Variants in GLIS3 observed in about 807,000 individuals in gnomAD.
The protein encoded by GLIS3 is zinc finger protein GLIS3.
In GLIS3, 53 loss-of-function variants were observed where a neutral mutation model predicts 78.6. The ratio of observed to expected loss-of-function variants is 0.67; its 90% CI spans 0.54 to 0.85. The LOEUF (loss-of-function observed/expected upper bound fraction) is 0.85. Among genes scored for constraint, GLIS3 ranks in the 40% least tolerant of loss-of-function variants. GLIS3 has a pLI of 0.00. For synonymous variants in GLIS3, 684 were observed against 509.9 expected (o/e 1.34, Z -4.60); for missense variants, 1,703 against 1,231.1 (o/e 1.38, Z -5.74).
chr9:4,191,690 T>C (rs1331649208), intron 2 of GLIS3, among the ~76,000 whole-genome samples: 6 of 152,164 alleles, frequency 3.9e-5, no homozygotes, highest in Non-Finnish European at 1.5e-5. Flanking sequence ...TTAATAAATA[T>C]GTGTTAAATA....
intron 9 of GLIS3, among the ~76,000 whole-genome samples, chr9:3,848,191 T>C (rs1459635040): frequency 6.6e-6 from 1 of 152,216 alleles, no homozygotes; most frequent in Non-Finnish European, 1.5e-5. Flanking sequence ...TTACTGTCTT[T>C]AAAATCAGCC....
chr9:3,861,789 G>C (rs2130300478), intron 8 of GLIS3, among the ~76,000 whole-genome samples: 1 of 152,264 alleles, frequency 6.6e-6, no homozygotes, highest in South Asian at 2.1e-4. Flanking sequence ...CTGTTAGTGG[G>C]TGCAGGGGAG....
intron 2 of GLIS3, among the ~76,000 whole-genome samples, chr9:4,232,406 AG>A (rs796785500): frequency 8.7e-5 from 13 of 149,502 alleles, no homozygotes; most frequent in African/African-American, 3.2e-4. Context: ...AAAAAAGAAA[AG>A]AAAAAAAAAG....
intron 2 of GLIS3, chr9:4,147,624 G>A (rs1241470088): frequency 2.0e-5 from 3 of 152,052 alleles, no homozygotes; most frequent in African/African-American, 7.2e-5. Flanking sequence ...GGAGTGCAGA[G>A]AGGAAAGCAT....
In GLIS3 at chr9:3,898,776, G is replaced by C. The variant is rs751808508; in HGVS notation, c.2043C>G (p.Ser681=). The C allele has an allele frequency of 2.5e-6, 4 of 1,614,070 alleles. No homozygotes were observed. In the South Asian group the frequency reaches 4.4e-5, roughly 18 times the overall value. The change falls in exon 7 of 11, where the codon TCC becomes TCG. Residue 681 remains serine (S), a synonymous_variant. Coordinates refer to ENST00000381971, the MANE Select transcript of GLIS3 (RefSeq NM_001042413.2). The part of the protein sequence containing the change: ...DLLTDCLTVQ[S]LQPATSPRDA... Reference sequence around the variant, plus strand: ...CTCTAGGGGAAGTGGCCGGCTGCAGGGACTGCACGGTGAGGCAATCTGTGA... The same window carrying C: ...CTCTAGGGGAAGTGGCCGGCTGCAGCGACTGCACGGTGAGGCAATCTGTGA...
At chr9:4,273,610 A>C (rs1587256822) in intron 2 of GLIS3, among the ~76,000 whole-genome samples, 2 of 93,694 alleles carry the variant, frequency 2.1e-5, no homozygotes, top group Non-Finnish European at 5.1e-5. Context: ...TAAATAAATA[A>C]ATAAATAAAT....
intron 4 of GLIS3, among the ~76,000 whole-genome samples, chr9:4,002,532 T>G (rs965966221): frequency 1.3e-5 from 2 of 152,194 alleles, no homozygotes; most frequent in Non-Finnish European, 2.9e-5. Context: ...GAAACTATCT[T>G]CATGCCTCAT....
intron 2 of GLIS3, among the ~76,000 whole-genome samples, chr9:4,221,783 G>A (rs1488143296): frequency 1.3e-5 from 2 of 152,156 alleles, no homozygotes; most frequent in Non-Finnish European, 2.9e-5. Context: ...GAAAGAAAGA[G>A]GCCACAACTT....
chr9:4,030,525 C>T (rs1248613200), intron 4 of GLIS3, among the ~76,000 whole-genome samples: 1 of 152,136 alleles, frequency 6.6e-6, no homozygotes. Flanking sequence ...AGACCAATGT[C>T]CTGGAGACTT....
intron 2 of GLIS3, among the ~76,000 whole-genome samples, chr9:4,323,325 A>G (rs1587385871): frequency 6.6e-6 from 1 of 152,214 alleles, no homozygotes; most frequent in Non-Finnish European, 1.5e-5. Context: ...ATATTTATAT[A>G]TGTAAACAAC....
At position 4,263,437 on chromosome 9, in the gene GLIS3, G is replaced by C. The variant is rs1158596693; in HGVS notation, c.388+22601C>G. Among the ~76,000 whole-genome samples the C allele has an allele frequency of 3.3e-5, 5 of 151,934 alleles. No homozygotes were observed. The East Asian group carries it at 9.6e-4, about 29-fold the overall frequency. ...GAAGATGCCAGGTGTATGTTTTATTGATAATCATATAATTTTGCCCCTGGC... is the reference window on the plus strand; with the variant it reads ...GAAGATGCCAGGTGTATGTTTTATTCATAATCATATAATTTTGCCCCTGGC... On this transcript the variant is annotated intron_variant, in intron 2 of 10. Transcript: ENST00000381971.
chr9:4,045,592 C>T (rs1825183370), intron 4 of GLIS3, among the ~76,000 whole-genome samples: 1 of 151,908 alleles, frequency 6.6e-6, no homozygotes, highest in Non-Finnish European at 1.5e-5. Flanking sequence ...CCACCTCAGC[C>T]TCCCAAAGTG....
chr9:3,953,795 C>CTCTCTCTCTA (rs1403671770), intron 4 of GLIS3, among the ~76,000 whole-genome samples: 62 of 73,284 alleles, frequency 8.5e-4, no homozygotes, highest in Admixed American at 2.6e-3. Context: ...CTCTCTCTCT[C>CTCTCTCTCTA]TATATATATA....
At chr9:4,257,106 A>T (rs1266187263) in intron 2 of GLIS3, among the ~76,000 whole-genome samples, 1 of 152,188 alleles carries the variant, frequency 6.6e-6, no homozygotes, top group East Asian at 1.9e-4. Flanking sequence ...TATGTATACC[A>T]CAACTTCTTT....
At chr9:4,141,243 A>G (rs1833791262) in intron 2 of GLIS3, among the ~76,000 whole-genome samples, 1 of 152,208 alleles carries the variant, frequency 6.6e-6, no homozygotes, top group African/African-American at 2.4e-5. Context: ...GGATTGCCCA[A>G]AGTCTGGGAA....
chr9:4,020,110 G>C (rs1403504447), intron 4 of GLIS3, among the ~76,000 whole-genome samples: 2 of 152,082 alleles, frequency 1.3e-5, no homozygotes, highest in Non-Finnish European at 2.9e-5. Context: ...TCTGAGAAAA[G>C]CCTTGAAGGA....
At chr9:4,174,082 G>C (rs1275562955) in intron 2 of GLIS3, among the ~76,000 whole-genome samples, 1 of 152,094 alleles carries the variant, frequency 6.6e-6, no homozygotes, top group South Asian at 2.1e-4. Flanking sequence ...TAGTTAAGTA[G>C]GTCAGACTGT....
chr9:4,298,331 G>A (rs1816779507), intron 1 of GLIS3: 1 of 455,480 alleles, frequency 2.2e-6, no homozygotes, highest in Admixed American at 2.4e-5. Flanking sequence ...GCAAGTCGGA[G>A]GGCGCGAACG....
chr9:4,331,493 C>A lies in GLIS3; in HGVS notation n.264+15588G>T, dbSNP rs539040514. ...CCCAAGCTACCATCACTCAACTTCC[C>A]TTTCTCTCCCATTTCAACAGCTCAT... On this transcript the variant is annotated intron_variant and non_coding_transcript_variant, in intron 2 of 4. Transcript: ENST00000471664. Among the ~76,000 whole-genome samples, 11 of 152,280 alleles carry A rather than the reference C, an allele frequency of 7.2e-5. No individual in the cohort carries two copies. In the South Asian group the frequency reaches 2.3e-3, roughly 32 times the overall value.
Sources: allele counts gnomAD v4.1 joint callset (sites outside exome capture counted in the v4.1 genomes callset), GRCh38; gene constraint gnomAD v4.1.1; transcripts MANE v1.5; gene names NCBI Gene and HGNC (gene_info 2026-07-23, HGNC 2026-07-21).